The following ADGRF3 variants were observed in gnomAD, a reference collection of about 807,000 sequenced individuals.
ADGRF3 encodes G protein-coupled receptor 113.
ADGRF3 carries 85 observed loss-of-function variants against 93.2 expected under a neutral mutation model. The observed-to-expected ratio is 0.91, with a 90% CI of 0.77 to 1.09. The LOEUF (loss-of-function observed/expected upper bound fraction) is 1.09, where lower values mean the gene tolerates loss of function less well. Among genes scored for constraint, ADGRF3 ranks in the 50% least tolerant of loss-of-function variants. ADGRF3 has a pLI of 0.00. For missense variants in ADGRF3, 1,125 were observed against 1,246.2 expected (o/e 0.90, Z 1.46); for synonymous variants, 534 against 532.5 (o/e 1.00, Z -0.04).
chr2:26,320,032 A>G (rs1045389617), intron 1 of ADGRF3, among the ~76,000 whole-genome samples: 4 of 152,264 alleles, frequency 2.6e-5, no homozygotes, highest in African/African-American at 9.6e-5. Flanking sequence ...TTTTAAATAC[A>G]TAAAACTGAG....
At chr2:26,337,784 A>G (rs1676136098) in intron 1 of ADGRF3, among the ~76,000 whole-genome samples, 2 of 152,178 alleles carry the variant, frequency 1.3e-5, no homozygotes, top group Non-Finnish European at 2.9e-5. Context: ...GCACTTTGGG[A>G]GGCCGAGGCA....
chr2:26,311,569 T>G lies in ADGRF3; in HGVS notation c.1955A>C (p.His652Pro). ...DGSPHCVFWD[H>P]SLFQGRGGWS... ...ACCCCCCCTGCCCTGGAAGAGACTG[T>G]GATCCCAGAAGACACAGTGAGGGGA... Residue 652 changes from histidine (H) to proline (P), a missense_variant, in exon 10 of 14, where the codon CAC becomes CCC. His to Pro is a moderately conservative substitution (Grantham distance 77). Transcript: ENST00000651242. 6.2e-7 allele frequency: 1 copy of G among 1,613,932 alleles called. No homozygotes were observed. Among genetic ancestry groups the G allele is most frequent in the Non-Finnish European group, 8.5e-7 (1 of 1,179,890 alleles).
intron 7 of ADGRF3, 72 bp from the exon 8 acceptor site, chr2:26,313,645 T>G (rs1260213948): frequency 1.3e-6 from 2 of 1,561,610 alleles, no homozygotes; most frequent in Non-Finnish European, 1.7e-6. Context: ...CAGAACCCTA[T>G]GCGGGCCCCG....
chr2:26,328,922 C>T (rs1675607079), intron 1 of ADGRF3, among the ~76,000 whole-genome samples: 1 of 152,166 alleles, frequency 6.6e-6, no homozygotes, highest in Non-Finnish European at 1.5e-5. Context: ...ATAATGACCA[C>T]CCAAAGATGT....
intron 13 of ADGRF3, 150 bp downstream of exon 13, chr2:26,309,376 G>C: frequency 6.7e-7 from 1 of 1,495,876 alleles, no homozygotes; most frequent in Admixed American, 2.2e-5. Flanking sequence ...TCTAGCAATG[G>C]CTACCCTAGA....
At chr2:26,313,613 C>G in intron 7 of ADGRF3, 40 bp from the exon 8 acceptor site, 2 of 1,578,516 alleles carry the variant, frequency 1.3e-6, no homozygotes, top group South Asian at 1.2e-5. Flanking sequence ...CAATCACAGC[C>G]TCACCTGAGC....
chr2:26,330,951 G>C (rs1211936206), intron 1 of ADGRF3, among the ~76,000 whole-genome samples: 1 of 152,162 alleles, frequency 6.6e-6, no homozygotes, highest in Non-Finnish European at 1.5e-5. Context: ...AGACAGGGTG[G>C]AGGATGCTTA....
chr2:26,327,457 T>G (rs1031067018), intron 1 of ADGRF3, among the ~76,000 whole-genome samples: 1 of 152,214 alleles, frequency 6.6e-6, no homozygotes, highest in Non-Finnish European at 1.5e-5. Flanking sequence ...GCTAAAAGAA[T>G]GTATCAATAC....
Position 26,310,979 on chromosome 2 carries a change from A to C in ADGRF3, c.2545T>G (p.Cys849Gly), listed in dbSNP as rs771205043. 4.3e-6 allele frequency: 7 copies of C among 1,613,620 alleles called. No individual in the cohort carries two copies. Among genetic ancestry groups the C allele is most frequent in the Admixed American group, 1.7e-5 (1 of 59,958 alleles). ...PQGQYLREGE[C>G]WLDGKGGALY... ...GCCCCTCCCTTCCCATCCAACCAGC[A>C]TTCCCCCTCCCTCAGGTATTGCCCT... Residue 849 changes from cysteine to glycine, a missense_variant, in exon 10 of 14, where the codon TGC becomes GGC. Coordinates refer to ENST00000651242, the MANE Select transcript of ADGRF3 (RefSeq NM_001321971.2).
intron 1 of ADGRF3, among the ~76,000 whole-genome samples, chr2:26,321,419 G>A (rs1675141860): frequency 6.6e-6 from 1 of 152,122 alleles, no homozygotes; most frequent in Non-Finnish European, 1.5e-5. Flanking sequence ...GACATCAATA[G>A]CATCTGCTGC....
At position 26,308,989 on chromosome 2, in the gene ADGRF3, G is replaced by A; in HGVS notation, c.*97C>T. 1.3e-6 allele frequency: 2 copies of A among 1,539,020 alleles called. No homozygotes were observed. Among genetic ancestry groups the A allele is most frequent in the Non-Finnish European group, 1.8e-6 (2 of 1,114,190 alleles). On this transcript the variant is annotated 3_prime_UTR_variant, in exon 14 of 14. Coordinates refer to ENST00000651242, the MANE Select transcript of ADGRF3 (RefSeq NM_001321971.2). Reference sequence around the variant, plus strand: ...GCCTTTCTCAAGGGCTGAGCTCCGGGAGGCGGGAAGAGTTCAGAGCATTGG... The same window carrying A: ...GCCTTTCTCAAGGGCTGAGCTCCGGAAGGCGGGAAGAGTTCAGAGCATTGG...
intron 1 of ADGRF3, among the ~76,000 whole-genome samples, chr2:26,339,897 G>T (rs1676274740): frequency 6.6e-6 from 1 of 152,154 alleles, no homozygotes. Flanking sequence ...GACCCACATT[G>T]TACTCAGCAC....
rs1674763799 is a variant in ADGRF3 at position 26,317,030 on chromosome 2, T to A, written c.207A>T (p.Val69=). Residue 69 remains valine (V), a synonymous_variant, in exon 3 of 14, where the codon GTA becomes GTT. Transcript: ENST00000651242. ...AGGTCTTATCTGGAAAGTCCAGATGTACATAGACGGAGACCAGCGCTGATT... is the reference window on the plus strand; with the variant it reads ...AGGTCTTATCTGGAAAGTCCAGATGAACATAGACGGAGACCAGCGCTGATT... The part of the protein sequence containing the change: ...AGESALVSVY[V]HLDFPDKTWP... 1 of 1,612,486 alleles carries A rather than the reference T, an allele frequency of 6.2e-7. No homozygotes were observed. The highest frequency in any genetic ancestry group is 1.3e-5 in the African/African-American group (1 of 74,974).
rs115784720 is a variant in ADGRF3, at chr2:26,326,150, C to T, written c.115-8588G>A. Among the ~76,000 whole-genome samples, 408 of 152,294 alleles carry T rather than the reference C, an allele frequency of 2.7e-3. 3 individuals are homozygous for T. The highest frequency in any genetic ancestry group is 8.8e-3 in the African/African-American group (365 of 41,566). On this transcript the variant is annotated intron_variant, in intron 1 of 13. Coordinates refer to ENST00000651242, the MANE Select transcript of ADGRF3 (RefSeq NM_001321971.2). ...AGTGTACTTCCCAATACATCCCCCTCGAACTGAATTCACTAACTCAGTCAC... is the reference window on the plus strand; with the variant it reads ...AGTGTACTTCCCAATACATCCCCCTTGAACTGAATTCACTAACTCAGTCAC...
Position 26,319,715 on chromosome 2 carries a change from C to T in ADGRF3, c.115-2153G>A, listed in dbSNP as rs375565760. Among the ~76,000 whole-genome samples, 156 of 151,796 alleles carry T rather than the reference C, an allele frequency of 1.0e-3. 4 individuals carry two copies. In the South Asian group the frequency reaches 0.032, roughly 31 times the overall value. Reference sequence around the variant, plus strand: ...TCTCTCTCTCGCTTGCTCTCACTCTCGTTCTTTTTCTTTCTTTTAGAAACA... The same window carrying T: ...TCTCTCTCTCGCTTGCTCTCACTCTTGTTCTTTTTCTTTCTTTTAGAAACA... On this transcript the variant is annotated intron_variant, in intron 1 of 13. Coordinates refer to ENST00000651242, the MANE Select transcript of ADGRF3 (RefSeq NM_001321971.2).
At position 26,311,651 on chromosome 2, in the gene ADGRF3, C is replaced by T. The variant is rs1674147932; in HGVS notation, c.1873G>A (p.Gly625Ser). 1.9e-6 allele frequency: 3 copies of T among 1,613,274 alleles called. No individual in the cohort carries two copies. In the African/African-American group the frequency reaches 4.0e-5, roughly 22 times the overall value. ...TCTCCCTGGCTGAAGGCCCGGTCAC[C>T]TGCCATGATGGAAATGACAAGGACC... The part of the protein sequence containing the change: ...GLVLVISIMA[G>S]DRAFSQGEVI... Residue 625 changes from glycine to serine, a missense_variant, in exon 10 of 14, where the codon GGT becomes AGT. Coordinates refer to ENST00000651242, the MANE Select transcript of ADGRF3 (RefSeq NM_001321971.2).
chr2:26,321,312 G>C (rs535415210), intron 1 of ADGRF3, among the ~76,000 whole-genome samples: 2 of 152,288 alleles, frequency 1.3e-5, no homozygotes, highest in East Asian at 3.9e-4. Context: ...AGAGAAGTGA[G>C]AGAGAAAACA....
chr2:26,321,281 A>G (rs17047471), intron 1 of ADGRF3, among the ~76,000 whole-genome samples: 7,386 of 152,228 alleles, frequency 0.049, 593 homozygotes, highest in African/African-American at 0.17. Context: ...AATGGTGGAG[A>G]ATCTGGTTTG....
chr2:26,320,891 T>C (rs1380736344), intron 1 of ADGRF3, among the ~76,000 whole-genome samples: 2 of 152,204 alleles, frequency 1.3e-5, no homozygotes, highest in African/African-American at 4.8e-5. Flanking sequence ...TATGCTCCCA[T>C]GTATGTAAAC....
Sources: gnomAD v4.1 joint callset for allele counts (sites outside exome capture counted in the v4.1 genomes callset) on GRCh38, gnomAD v4.1.1 for gene constraint, MANE v1.5 for transcripts, NCBI Gene and HGNC (gene_info 2026-07-23, HGNC 2026-07-21) for gene names.